REEP5: variants seen among roughly 807,000 people sequenced by gnomAD.
REEP5 encodes the protein receptor accessory protein 5.
REEP5 carries 24 observed loss-of-function variants against 22.4 expected under a neutral mutation model. The observed-to-expected ratio is 1.07, with a 90% CI of 0.78 to 1.51. The LOEUF is 1.51. Among genes scored for constraint, REEP5 ranks in the 40% most tolerant of loss-of-function variants. REEP5 has a pLI of 0.00. For missense variants in REEP5, 252 were observed against 233.0 expected (o/e 1.08, Z -0.53); for synonymous variants, 103 against 88.6 (o/e 1.16, Z -0.92).
chr5:112,879,313 G>C (rs1269622304), intron 4 of REEP5, among the ~76,000 whole-genome samples: 6 of 51,564 alleles, frequency 1.2e-4, no homozygotes, highest in African/African-American at 7.0e-4. Flanking sequence ...GTCATCCCTT[G>C]ATATATGTGT....
chr5:112,896,390 G>C (rs1463510241), intron 3 of REEP5: 3 of 151,992 alleles, frequency 2.0e-5, no homozygotes, highest in African/African-American at 7.3e-5. Flanking sequence ...TAGCGTGGTG[G>C]TGGGCACCTG....
chr5:112,878,902 G>A (rs1024668666), intron 4 of REEP5, 67 bp from the exon 5 acceptor site: 3 of 1,611,948 alleles, frequency 1.9e-6, no homozygotes, highest in Non-Finnish European at 2.5e-6. Flanking sequence ...AAGCTTGCAA[G>A]CTTTGTGCCT....
Position 112,909,356 on chromosome 5 carries a change from CTTA to C in REEP5, c.213-6841_213-6839del, listed in dbSNP as rs760922533. On this transcript the variant is annotated intron_variant, in intron 2 of 4. Coordinates refer to ENST00000379638, the MANE Select transcript of REEP5 (RefSeq NM_005669.5). Reference sequence around the variant, plus strand: ...GGTATTAATTATAGTACAGTAATAACTTATTATTATAGGGAGATAAAAGATTAA... The same window carrying C: ...GGTATTAATTATAGTACAGTAATAACTTATTATAGGGAGATAAAAGATTAA... Among the ~76,000 whole-genome samples, 5 of 151,164 alleles carry C rather than the reference CTTA, an allele frequency of 3.3e-5. No individual in the cohort carries two copies. The Admixed American group carries it at 3.3e-4, about 10-fold the overall frequency.
At chr5:112,899,975 T>A (rs1012468174) in intron 3 of REEP5, among the ~76,000 whole-genome samples, 1 of 152,166 alleles carries the variant, frequency 6.6e-6, no homozygotes, top group Non-Finnish European at 1.5e-5. Flanking sequence ...GATTTCCAAT[T>A]TCAGATGTTC....
At chr5:112,892,242 T>C (rs712666) in intron 3 of REEP5, 563,006 of 1,613,844 alleles carry the variant, frequency 0.35, 103,120 homozygotes, top group African/African-American at 0.63. Context: ...TCCCAACATC[T>C]AGTCCTACCC....
At chr5:112,889,243 AAAC>A (rs1768356293) in intron 3 of REEP5, among the ~76,000 whole-genome samples, 1 of 150,772 alleles carries the variant, frequency 6.6e-6, no homozygotes, top group African/African-American at 2.5e-5. Context: ...CTCAAAAACA[AAAC>A]AAAACCCAGA....
chr5:112,885,738 T>A, intron 4 of REEP5: 1 of 286,834 alleles, frequency 3.5e-6, no homozygotes, highest in South Asian at 4.5e-5. Flanking sequence ...TTGAAGCTAT[T>A]AATGAACTAA....
chr5:112,906,144 T>G (rs1365668490), intron 2 of REEP5, among the ~76,000 whole-genome samples: 1 of 152,178 alleles, frequency 6.6e-6, no homozygotes, highest in Non-Finnish European at 1.5e-5. Flanking sequence ...GGCCAAGCCA[T>G]AGAATGGAGG....
chr5:112,899,119 C>T (rs1305040670), intron 3 of REEP5, among the ~76,000 whole-genome samples: 4 of 152,118 alleles, frequency 2.6e-5, no homozygotes, highest in African/African-American at 9.7e-5. Context: ...CACTCTGTCA[C>T]CCAGGCTAGA....
At chr5:112,897,297 T>C (rs1253274057) in intron 3 of REEP5, 5 of 148,266 alleles carry the variant, frequency 3.4e-5, no homozygotes, top group Non-Finnish European at 7.5e-5. Context: ...GGAAGACTAC[T>C]CTAAGATGTA....
chr5:112,882,756 T>C (rs1483997013), intron 4 of REEP5, among the ~76,000 whole-genome samples: 1 of 152,208 alleles, frequency 6.6e-6, no homozygotes, highest in Non-Finnish European at 1.5e-5. Flanking sequence ...AAACATTTGT[T>C]ATCTGGCCCT....
At chr5:112,897,231 G>C (rs1343999902) in intron 3 of REEP5, 1 of 151,890 alleles carries the variant, frequency 6.6e-6, no homozygotes, top group African/African-American at 2.4e-5. Context: ...CATACACACA[G>C]AGTTCTGTTT....
chr5:112,892,851 G>T (rs1277656390), intron 3 of REEP5: 3 of 1,613,482 alleles, frequency 1.9e-6, no homozygotes, highest in Non-Finnish European at 1.7e-6. Flanking sequence ...AGAGAAAAAA[G>T]AGTAGTCATA....
intron 3 of REEP5, chr5:112,891,682 T>C (rs1768456170): frequency 6.2e-7 from 1 of 1,613,698 alleles, no homozygotes; most frequent in East Asian, 2.2e-5. Flanking sequence ...GAAGATGACA[T>C]TTCCAGAGAA....
intron 2 of REEP5, among the ~76,000 whole-genome samples, chr5:112,915,557 T>C (rs1210565206): frequency 2.0e-5 from 3 of 152,214 alleles, no homozygotes; most frequent in African/African-American, 7.2e-5. Flanking sequence ...AGGTTAAATG[T>C]TTAAATGCTT....
At chr5:112,915,847 A>G (rs1222158974) in intron 2 of REEP5, among the ~76,000 whole-genome samples, 1 of 151,152 alleles carries the variant, frequency 6.6e-6, no homozygotes, top group African/African-American at 2.4e-5. Context: ...TGAAGTTCTC[A>G]TGAGTAAAAA....
chr5:112,882,091 T>C (rs1337214542), intron 4 of REEP5: 1 of 153,990 alleles, frequency 6.5e-6, no homozygotes, highest in Non-Finnish European at 1.5e-5. Context: ...ATTTTAATTA[T>C]TGATGATTTT....
intron 3 of REEP5, chr5:112,898,319 A>G (rs1768754348): frequency 6.6e-6 from 1 of 152,214 alleles, no homozygotes; most frequent in African/African-American, 2.4e-5. Flanking sequence ...TAATCCTTTC[A>G]AGTATGTTAT....
intron 2 of REEP5, among the ~76,000 whole-genome samples, chr5:112,911,343 A>G (rs1371729202): frequency 6.6e-6 from 1 of 151,980 alleles, no homozygotes; most frequent in Non-Finnish European, 1.5e-5. Flanking sequence ...AACTGACATA[A>G]AAGGTGTGCA....
Sources: gnomAD v4.1 joint callset for allele counts (sites outside exome capture counted in the v4.1 genomes callset) on GRCh38, gnomAD v4.1.1 for gene constraint, MANE v1.5 for transcripts, NCBI Gene and HGNC (gene_info 2026-07-23, HGNC 2026-07-21) for gene names.